Variants in MFN2 observed in about 807,000 individuals in gnomAD.
The protein encoded by MFN2 is mitofusin 2, also known as mitofusin-2.
In MFN2, 43 loss-of-function variants were observed where a neutral mutation model predicts 87.5. The ratio of observed to expected loss-of-function variants is 0.49; its 90% CI spans 0.38 to 0.63. The LOEUF (loss-of-function observed/expected upper bound fraction) is 0.63. Among genes scored for constraint, MFN2 ranks in the 30% least tolerant of loss-of-function variants. MFN2 has a pLI of 0.00. For missense variants in MFN2, 743 were observed against 972.8 expected (o/e 0.76, Z 3.14); for synonymous variants, 337 against 359.9 (o/e 0.94, Z 0.72).
chr1:12,002,481 G>A (rs192509771), intron 11 of MFN2, among the ~76,000 whole-genome samples: 3 of 152,352 alleles, frequency 2.0e-5, no homozygotes, highest in Admixed American at 6.5e-5. Flanking sequence ...ACTGCTTGAG[G>A]CCAGGAGTCC....
intron 9 of MFN2, 54 bp from the exon 10 acceptor site, chr1:12,001,714 TC>T: frequency 1.9e-6 from 3 of 1,609,464 alleles, no homozygotes; most frequent in Non-Finnish European, 2.6e-6. Context: ...GGGGATTTCA[TC>T]GTTTTCCTCT....
chr1:12,006,429 T>TG (rs1639419061), intron 15 of MFN2, 109 bp from the exon 16 acceptor site: 2 of 1,456,158 alleles, frequency 1.4e-6, no homozygotes, highest in East Asian at 4.7e-5. Flanking sequence ...TTTTGGAAAT[T>TG]GAAGAGCCAC....
chr1:11,989,634 TGA>T (rs1638586754), intron 3 of MFN2, among the ~76,000 whole-genome samples: 1 of 152,234 alleles, frequency 6.6e-6, no homozygotes, highest in Non-Finnish European at 1.5e-5. Flanking sequence ...AATTGAGGTT[TGA>T]GAGTTGTCCG....
chr1:12,004,434 A>C lies in MFN2; in HGVS notation c.1288-75A>C, dbSNP rs1233939663. Reference sequence around the variant, plus strand: ...TGAGAGGAAGGATGTGCCATCTGCTAGGATCTCTCCTGGTGCTGCAGGAGT... The same window carrying C: ...TGAGAGGAAGGATGTGCCATCTGCTCGGATCTCTCCTGGTGCTGCAGGAGT... On this transcript the variant is annotated intron_variant, in intron 12 of 18. Coordinates refer to ENST00000235329, the MANE Select transcript of MFN2 (RefSeq NM_014874.4). This position sits in a 1 kb window ranked among gnomAD's most constrained non-coding sequence, Gnocchi z 4.2. 3.1e-6 allele frequency: 4 copies of C among 1,281,500 alleles called. No individual in the cohort carries two copies. The highest frequency in any genetic ancestry group is 4.6e-6 in the Non-Finnish European group (4 of 877,528). 79.4% of individuals were successfully genotyped at this position (1,281,500 alleles called of 1,614,324 possible).
chr1:11,993,660 C>T (rs986143757), intron 4 of MFN2, among the ~76,000 whole-genome samples: 7 of 150,288 alleles, frequency 4.7e-5, no homozygotes, highest in Admixed American at 3.3e-4. Context: ...GTGTGAACCC[C>T]AGGGGGCGGA....
At position 12,002,147 on chromosome 1, in the gene MFN2, C is replaced by A. The variant is rs376175598; in HGVS notation, c.1160+44C>A. On this transcript the variant is annotated intron_variant, in intron 11 of 18. Transcript: ENST00000235329. ...AGATAGGTGGAGAGAGCTGCCGAGA[C>A]AAGGGTGCTCCACCCCTGCCTTGGG... 3.7e-5 allele frequency: 59 copies of A among 1,613,680 alleles called. No homozygotes were observed. The African/African-American group carries it at 7.5e-4, about 20-fold the overall frequency.
chr1:11,990,519 C>T (rs144130812), intron 3 of MFN2, among the ~76,000 whole-genome samples: 1 of 152,304 alleles, frequency 6.6e-6, no homozygotes, highest in African/African-American at 2.4e-5. Flanking sequence ...CTCTGAGTCA[C>T]CTACTCAGAT....
At chr1:12,000,658 C>G (rs759550099) in intron 8 of MFN2, among the ~76,000 whole-genome samples, 1 of 152,154 alleles carries the variant, frequency 6.6e-6, no homozygotes, top group Non-Finnish European at 1.5e-5. Context: ...CACATTTTAT[C>G]GGTAGAACCC....
intron 8 of MFN2, among the ~76,000 whole-genome samples, chr1:11,999,347 T>A (rs1422317633): frequency 6.6e-6 from 1 of 152,190 alleles, no homozygotes; most frequent in Admixed American, 6.5e-5. Flanking sequence ...TTAGTGCATC[T>A]TCAGTGCCGG....
At chr1:11,999,199 T>G (rs1009477529) in intron 8 of MFN2, 104 bp downstream of exon 8, 20 of 928,968 alleles carry the variant, frequency 2.2e-5, no homozygotes, top group Non-Finnish European at 3.0e-5. Context: ...TTCCCTGAAT[T>G]AATTTTATTG....
chr1:12,008,481 C>G (rs886302629), intron 17 of MFN2, among the ~76,000 whole-genome samples: 2 of 149,934 alleles, frequency 1.3e-5, no homozygotes, highest in Non-Finnish European at 2.9e-5. Context: ...GACCCCCCAC[C>G]TCCCGGACGG....
chr1:11,992,712 C>T, intron 4 of MFN2, 22 bp downstream of exon 4: 1 of 1,614,132 alleles, frequency 6.2e-7, no homozygotes, highest in Non-Finnish European at 8.5e-7. Flanking sequence ...AGGCACCCAC[C>T]CTTTCTTTCT....
chr1:12,001,552 G>A lies in MFN2; in HGVS notation c.968G>A (p.Gly323Glu). Residue 323 changes from glycine (G) to glutamate (E), a missense_variant and splice_region_variant, in exon 9 of 19, where the codon GGA becomes GAA. Gly to Glu is a moderately conservative substitution (Grantham distance 98). Transcript: ENST00000235329. ...CAGAAAGCCCAGGGCATGCCTGAAG[G>A]AGGTAATGATGAGAACAGATGTCCT... The part of the protein sequence containing the change: ...RIQKAQGMPE[G>E]GGALAEGFQV... The A allele has an allele frequency of 1.2e-6, 2 of 1,614,202 alleles. No homozygotes were observed. Among genetic ancestry groups the A allele is most frequent in the Non-Finnish European group, 8.5e-7 (1 of 1,180,042 alleles).
intron 3 of MFN2, among the ~76,000 whole-genome samples, chr1:11,990,572 A>G (rs962915223): frequency 1.2e-4 from 18 of 152,152 alleles, no homozygotes; most frequent in African/African-American, 4.3e-4. Context: ...TGTTTATGTG[A>G]TGCATGCTTT....
In MFN2 at chr1:12,011,661, C is replaced by T; in HGVS notation, c.*96C>T. On this transcript the variant is annotated 3_prime_UTR_variant, in exon 19 of 19. Coordinates refer to ENST00000235329, the MANE Select transcript of MFN2 (RefSeq NM_014874.4). ...CAGGGGCACGTGTGGCTCCTGCCCC[C>T]TGGCCACTGCCAAGAGAATGAAGCA... 3 of 1,293,442 alleles carry T rather than the reference C, an allele frequency of 2.3e-6. No individual in the cohort carries two copies. Among genetic ancestry groups the T allele is most frequent in the East Asian group, 2.3e-5 (1 of 43,020 alleles). The allele number at this position is 1,293,442 out of a possible 1,614,324, so 80.1% of individuals were successfully genotyped here. A position where few individuals can be genotyped will look rare whatever the true frequency, so the allele number is the denominator to read the frequency against.
Position 12,004,549 on chromosome 1 carries a change from T to C in MFN2, c.1328T>C (p.Val443Ala). ...AMAEEIRRLS[V>A]LVDDYQMDFH... The stretch of plus-strand genomic sequence containing the variant: ...GCCGAGGAGATCAGGCGCCTCTCTG[T>C]ACTGGTGGACGATTACCAGATGGAC... Residue 443 changes from valine (V) to alanine (A), a missense_variant, in exon 13 of 19, where the codon GTA becomes GCA. Val to Ala is a moderately conservative substitution (Grantham distance 64). Around this residue, in one of 3 missense-constraint regions of MFN2, gnomAD observed 571 missense variants for 670.7 expected, o/e 0.85. Coordinates refer to ENST00000235329, the MANE Select transcript of MFN2 (RefSeq NM_014874.4). The surrounding 1 kb of genome is among the most constrained non-coding windows in gnomAD (Gnocchi z 4.2). 1.2e-6 allele frequency: 2 copies of C among 1,614,196 alleles called. No individual in the cohort carries two copies. The highest frequency in any genetic ancestry group is 8.5e-7 in the Non-Finnish European group (1 of 1,180,016).
Position 12,004,760 on chromosome 1 carries a change from G to C in MFN2, c.1393-65G>C, listed in dbSNP as rs78503576. The stretch of plus-strand genomic sequence containing the variant: ...TCCGTCAGCCTTCTGGGGTCACCTG[G>C]TGGATGTGGCCTGAAGGGAATTTTG... On this transcript the variant is annotated intron_variant, in intron 13 of 18. Transcript: ENST00000235329. The surrounding 1 kb of genome is among the most constrained non-coding windows in gnomAD (Gnocchi z 4.2). The C allele has an allele frequency of 1.3e-6, 2 of 1,545,430 alleles. No homozygotes were observed. Among genetic ancestry groups the C allele is most frequent in the Non-Finnish European group, 8.9e-7 (1 of 1,120,390 alleles).
At chr1:11,998,344 G>A (rs1248807192) in intron 6 of MFN2, among the ~76,000 whole-genome samples, 2 of 151,420 alleles carry the variant, frequency 1.3e-5, no homozygotes, top group Admixed American at 6.6e-5. Flanking sequence ...TCAAGAGATC[G>A]AGACCAGCCT....
In MFN2 at chr1:12,006,617, TCATGGTTTC is replaced by T; in HGVS notation, c.1804_1812del (p.Ser602_Val604del). ...CAGGGCTCGCTCACCCAGGAGGAGT[TCATGGTTTC>T]CATGGTTACCGGCCTGGCCTCCTTG... is the stretch of plus-strand genomic sequence containing the variant. On this transcript the variant is annotated inframe_deletion, in exon 16 of 19. Coordinates refer to ENST00000235329, the MANE Select transcript of MFN2 (RefSeq NM_014874.4). 1 of 1,614,166 alleles carries T rather than the reference TCATGGTTTC, an allele frequency of 6.2e-7. No homozygotes were observed.
Sources: gnomAD v4.1 joint callset for allele counts (sites outside exome capture counted in the v4.1 genomes callset) on GRCh38, gnomAD v4.1.1 for gene constraint, gnomAD v4.1.1 regional missense constraint, Gnocchi (gnomAD v3.1) non-coding constraint, MANE v1.5 for transcripts, NCBI Gene and HGNC (gene_info 2026-07-23, HGNC 2026-07-21) for gene names.